EIF3E: variants seen among roughly 807,000 people sequenced by gnomAD.
EIF3E encodes the protein eIF-3 p48.
In EIF3E, 25 loss-of-function variants were observed where a neutral mutation model predicts 59.3. The ratio of observed to expected loss-of-function variants is 0.42; its 90% CI spans 0.31 to 0.59. EIF3E has a LOEUF of 0.59. Among genes scored for constraint, EIF3E ranks in the 20% least tolerant of loss-of-function variants. EIF3E has a pLI of 0.15. For synonymous variants in EIF3E, 176 were observed against 170.2 expected, an observed-to-expected ratio of 1.03 and a Z score of -0.26; for missense variants, 317 against 534.3, an observed-to-expected ratio of 0.59 and a Z score of 4.01.
intron 1 of EIF3E, among the ~76,000 whole-genome samples, chr8:108,244,795 C>T (rs955888160): frequency 1.3e-5 from 2 of 151,962 alleles, no homozygotes; most frequent in South Asian, 4.2e-4. Flanking sequence ...CAGTGTCAAT[C>T]ACTAACTCTG....
At position 108,225,794 on chromosome 8, in the gene EIF3E, C is replaced by T. The variant is rs74980769; in HGVS notation, c.722+2473G>A. Among the ~76,000 whole-genome samples, 1,407 of 151,554 alleles carry T rather than the reference C, an allele frequency of 9.3e-3. 118 individuals are homozygous for T. Among genetic ancestry groups the T allele is most frequent in the African/African-American group, 0.033 (1,344 of 40,880 alleles). The stretch of plus-strand genomic sequence containing the variant: ...TCACAACAGACTGCAAGAAAGCAGG[C>T]ATGAAAACCCAGTTGTCAATTAACC... On this transcript the variant is annotated intron_variant, in intron 7 of 12. Coordinates refer to ENST00000220849, the MANE Select transcript of EIF3E (RefSeq NM_001568.3).
chr8:108,225,566 G>C (rs967281358), intron 7 of EIF3E, among the ~76,000 whole-genome samples: 1 of 151,360 alleles, frequency 6.6e-6, no homozygotes, highest in Non-Finnish European at 1.5e-5. Flanking sequence ...TTAACCACAT[G>C]GTTTCAGATT....
At chr8:108,211,612 A>G (rs1377597108) in intron 10 of EIF3E, among the ~76,000 whole-genome samples, 1 of 152,200 alleles carries the variant, frequency 6.6e-6, no homozygotes, top group Non-Finnish European at 1.5e-5. Flanking sequence ...AAACACGAAG[A>G]AGCTTATCTT....
chr8:108,248,579 C>A (rs769293680), intron 1 of EIF3E, 34 bp downstream of exon 1: 1 of 1,609,076 alleles, frequency 6.2e-7, no homozygotes, highest in South Asian at 1.1e-5. Flanking sequence ...CTCATCCGCC[C>A]CCACGCCTTC....
chr8:108,242,424 T>C, intron 1 of EIF3E: 1 of 1,289,250 alleles, frequency 7.8e-7, no homozygotes, highest in Non-Finnish European at 1.0e-6. Context: ...TAATTTAACC[T>C]ATAGTACAGG....
At chr8:108,230,609 T>A (rs1178539004) in intron 5 of EIF3E, among the ~76,000 whole-genome samples, 1 of 152,144 alleles carries the variant, frequency 6.6e-6, no homozygotes, top group Admixed American at 6.6e-5. Context: ...TTTGGCACAC[T>A]AAGAGCAGGC....
chr8:108,237,244 G>A (rs894991251), intron 3 of EIF3E, among the ~76,000 whole-genome samples: 4 of 152,108 alleles, frequency 2.6e-5, no homozygotes, highest in Non-Finnish European at 4.4e-5. Flanking sequence ...CCCACCTTAT[G>A]AGCATTTTTG....
In EIF3E at chr8:108,203,533, A is replaced by C. The variant is rs1373074667; in HGVS notation, c.1062-30T>G. ...TGAAAAAGTAAAAACAGCAATGTTA[A>C]TTAACTGGGCCTAAAAACTTAGTTT... On this transcript the variant is annotated intron_variant, in intron 10 of 12. Coordinates refer to ENST00000220849, the MANE Select transcript of EIF3E (RefSeq NM_001568.3). 3 of 1,589,356 alleles carry C rather than the reference A, an allele frequency of 1.9e-6. 1 individual carries two copies. The South Asian group carries it at 3.3e-5, about 18-fold the overall frequency.
intron 7 of EIF3E, chr8:108,227,335 G>T (rs1490409646): frequency 6.6e-6 from 1 of 151,968 alleles, no homozygotes. Flanking sequence ...AAAAAAAAGT[G>T]TTATTGTAAA....
At chr8:108,228,998 G>T in intron 6 of EIF3E, 72 bp downstream of exon 6, 3 of 1,397,908 alleles carry the variant, frequency 2.1e-6, no homozygotes, top group South Asian at 1.8e-5. Flanking sequence ...AATGCATAGT[G>T]ATTTTCCTCA....
At chr8:108,246,678 T>C (rs1815955895) in intron 1 of EIF3E, among the ~76,000 whole-genome samples, 1 of 152,114 alleles carries the variant, frequency 6.6e-6, no homozygotes, top group South Asian at 2.1e-4. Flanking sequence ...CTTCCTCTAC[T>C]TCTTCCACCT....
At chr8:108,221,391 A>G (rs1815410682) in intron 7 of EIF3E, 1 of 152,126 alleles carries the variant, frequency 6.6e-6, no homozygotes, top group Non-Finnish European at 1.5e-5. Flanking sequence ...AAAGGTTATA[A>G]TTTTTCTGAC....
intron 10 of EIF3E, among the ~76,000 whole-genome samples, chr8:108,210,582 TA>T (rs1815187454): frequency 6.6e-6 from 1 of 152,298 alleles, no homozygotes; most frequent in East Asian, 1.9e-4. Context: ...AAATACGTAT[TA>T]TTTCCAGCCA....
At chr8:108,233,674 T>C in intron 5 of EIF3E, 1 of 412,786 alleles carries the variant, frequency 2.4e-6, no homozygotes, top group East Asian at 8.6e-5. Flanking sequence ...AGACTCCATC[T>C]TGGAAAAAAA....
chr8:108,216,048 T>C (rs947960743), intron 9 of EIF3E, among the ~76,000 whole-genome samples: 1 of 152,208 alleles, frequency 6.6e-6, no homozygotes, highest in Non-Finnish European at 1.5e-5. Context: ...AAAGTGACCT[T>C]GCCTGTACAT....
chr8:108,201,234 G>T lies in EIF3E; in HGVS notation c.*651C>A, dbSNP rs1300463179. The T allele has an allele frequency of 2.0e-5, 2 of 97,568 alleles. No homozygotes were observed. Among genetic ancestry groups the T allele is most frequent in the African/African-American group, 9.5e-5 (2 of 21,004 alleles). The allele number at this position is 97,568 out of a possible 1,614,324, so 6.0% of individuals were successfully genotyped here. A position where few individuals can be genotyped will look rare whatever the true frequency, so the allele number is the denominator to read the frequency against. Reference sequence around the variant, plus strand: ...TGGAATACTATTTGGCAATAAAAAAGGAATTAACTACTGATCATATATATA... The same window carrying T: ...TGGAATACTATTTGGCAATAAAAAATGAATTAACTACTGATCATATATATA... On this transcript the variant is annotated 3_prime_UTR_variant, in exon 13 of 13. Coordinates refer to ENST00000220849, the MANE Select transcript of EIF3E (RefSeq NM_001568.3).
intron 6 of EIF3E, 42 bp downstream of exon 6, chr8:108,229,026 TAC>T (rs1165098181): frequency 5.8e-6 from 9 of 1,558,268 alleles, no homozygotes; most frequent in Non-Finnish European, 7.8e-6. Context: ...GTGTGAAGGA[TAC>T]ACAGATATTT....
intron 7 of EIF3E, among the ~76,000 whole-genome samples, chr8:108,217,870 CTTAAA>C (rs903125455): frequency 8.5e-5 from 13 of 152,122 alleles, no homozygotes; most frequent in Admixed American, 3.3e-4. Context: ...AAATCAGCCA[CTTAAA>C]TTAAATAATT....
intron 7 of EIF3E, among the ~76,000 whole-genome samples, chr8:108,223,600 T>C (rs1815460696): frequency 6.6e-6 from 1 of 152,212 alleles, no homozygotes; most frequent in East Asian, 1.9e-4. Flanking sequence ...TGCATCTTTC[T>C]TTCTACAAGT....
Sources: gnomAD v4.1 joint callset for allele counts (sites outside exome capture counted in the v4.1 genomes callset) on GRCh38, gnomAD v4.1.1 for gene constraint, MANE v1.5 for transcripts, NCBI Gene and HGNC (gene_info 2026-07-23, HGNC 2026-07-21) for gene names.